The following ADAM12 variants were observed in gnomAD, a reference collection of about 807,000 sequenced individuals.
ADAM12 encodes the protein ADAM metallopeptidase domain 12, also known as disintegrin and metalloproteinase domain-containing protein 12.
A neutral mutation model predicts 106.4 loss-of-function variants in ADAM12; 70 were observed. That is an observed-to-expected ratio of 0.66 (90% CI 0.54 to 0.80). The LOEUF (loss-of-function observed/expected upper bound fraction) is 0.80. Among genes scored for constraint, ADAM12 ranks in the 30% least tolerant of loss-of-function variants. The pLI, the probability that ADAM12 is intolerant of heterozygous loss-of-function variation, is 0.00. For missense variants in ADAM12, 1,010 were observed against 1,171.9 expected (o/e 0.86, Z 2.02); for synonymous variants, 420 against 433.5 (o/e 0.97, Z 0.39).
At chr10:126,055,706 C>T (rs1954614735) in intron 14 of ADAM12, among the ~76,000 whole-genome samples, 1 of 152,200 alleles carries the variant, frequency 6.6e-6, no homozygotes, top group African/African-American at 2.4e-5. Context: ...TCCCTGCCAT[C>T]CTTTCCTCTT....
rs568856967 is a variant in ADAM12, at chr10:126,039,045, C to T, written c.2240+249G>A. Among the ~76,000 whole-genome samples, 5 of 147,572 alleles carry T rather than the reference C, an allele frequency of 3.4e-5. No homozygotes were observed. The South Asian group carries it at 6.5e-4, about 19-fold the overall frequency. On this transcript the variant is annotated intron_variant, in intron 19 of 22. Coordinates refer to ENST00000448723, the MANE Select transcript of ADAM12 (RefSeq NM_001288973.2). ...AGTGATCGCAACTCACTGCAAGCTC[C>T]GCCTCCCGGGTTCACGCCATTCTCA...
intron 11 of ADAM12, chr10:126,090,873 T>C (rs72841004): frequency 6.6e-5 from 10 of 152,368 alleles, no homozygotes; most frequent in Non-Finnish European, 1.5e-4. Context: ...TTTTCTCCTT[T>C]AAGCCATCTA....
chr10:126,175,308 A>G (rs1436342774), intron 3 of ADAM12, among the ~76,000 whole-genome samples: 1 of 152,194 alleles, frequency 6.6e-6, no homozygotes, highest in Non-Finnish European at 1.5e-5. Context: ...CAGGAGTTGC[A>G]ACTCACCTCC....
chr10:126,221,171 G>A (rs113588751), intron 3 of ADAM12, among the ~76,000 whole-genome samples: 1 of 152,124 alleles, frequency 6.6e-6, no homozygotes, highest in Non-Finnish European at 1.5e-5. Flanking sequence ...GTCACTTGAG[G>A]TCAGGAGTTC....
chr10:126,366,909 A>G (rs551012520), intron 1 of ADAM12, among the ~76,000 whole-genome samples: 7 of 152,256 alleles, frequency 4.6e-5, no homozygotes, highest in African/African-American at 1.7e-4. Context: ...AAACCTAAAA[A>G]GAGTTTCAAA....
chr10:126,245,114 C>T (rs980822492), intron 3 of ADAM12, among the ~76,000 whole-genome samples: 2 of 152,230 alleles, frequency 1.3e-5, no homozygotes, highest in African/African-American at 4.8e-5. Flanking sequence ...GGCACCAGGA[C>T]ATCCCCTCGC....
At chr10:126,130,744 G>A (rs973308547) in intron 5 of ADAM12, among the ~76,000 whole-genome samples, 5 of 152,214 alleles carry the variant, frequency 3.3e-5, no homozygotes, top group Admixed American at 1.3e-4. Flanking sequence ...GCTGGCCTGG[G>A]AAGAGGGATG....
chr10:126,248,281 C>T (rs1958668921), intron 3 of ADAM12, among the ~76,000 whole-genome samples: 1 of 152,144 alleles, frequency 6.6e-6, no homozygotes, highest in Non-Finnish European at 1.5e-5. Context: ...CAAATGAACT[C>T]GGAAATGAGC....
intron 4 of ADAM12, among the ~76,000 whole-genome samples, chr10:126,137,605 G>A (rs75827330): frequency 9.3e-4 from 141 of 152,162 alleles, no homozygotes; most frequent in East Asian, 3.3e-3. Flanking sequence ...GGATTTGCCC[G>A]TTCTGTTATT....
At chr10:126,177,696 C>G (rs528098701) in intron 3 of ADAM12, among the ~76,000 whole-genome samples, 2 of 152,138 alleles carry the variant, frequency 1.3e-5, no homozygotes, top group African/African-American at 4.8e-5. Flanking sequence ...GGATACAAAT[C>G]GGCAAATGAA....
intron 3 of ADAM12, among the ~76,000 whole-genome samples, chr10:126,187,633 A>G (rs746626699): frequency 2.6e-5 from 4 of 152,170 alleles, no homozygotes; most frequent in Non-Finnish European, 5.9e-5. Flanking sequence ...AGGCAATCCA[A>G]CCCTAGGCTA....
In ADAM12 at chr10:126,118,216, A is replaced by G. The variant is rs767448407; in HGVS notation, c.425T>C (p.Ile142Thr). 20 of 1,612,154 alleles carry G rather than the reference A, an allele frequency of 1.2e-5. No individual in the cohort carries two copies. The highest frequency in any genetic ancestry group is 5.5e-5 in the South Asian group (5 of 90,942). Residue 142 changes from isoleucine to threonine, a missense_variant, in exon 6 of 23, where the codon ATT becomes ACT. Coordinates refer to ENST00000448723, the MANE Select transcript of ADAM12 (RefSeq NM_001288973.2). ...GACATAGCTTTCATTTTCAAACACA[A>G]TAAGTCCCCTGTTGAAAAAGAAACA... ...LSTCSGLRGLIVFENESYVLE... is the reference protein window; with the variant it reads ...LSTCSGLRGLTVFENESYVLE...
At chr10:126,206,663 A>G (rs1957800236) in intron 3 of ADAM12, among the ~76,000 whole-genome samples, 1 of 152,228 alleles carries the variant, frequency 6.6e-6, no homozygotes, top group South Asian at 2.1e-4. Flanking sequence ...GCTGGCAAGT[A>G]CCAACATTTC....
At chr10:126,227,079 TCAC>T (rs767278368) in intron 3 of ADAM12, among the ~76,000 whole-genome samples, 13 of 152,034 alleles carry the variant, frequency 8.6e-5, no homozygotes, top group Non-Finnish European at 1.5e-4. Context: ...ACTTGCCCTG[TCAC>T]CACCACCATC....
chr10:126,180,127 C>G (rs1957287259), intron 3 of ADAM12, among the ~76,000 whole-genome samples: 1 of 152,130 alleles, frequency 6.6e-6, no homozygotes, highest in Non-Finnish European at 1.5e-5. Context: ...ATGTCCCAGG[C>G]ACTGTATTAA....
intron 2 of ADAM12, among the ~76,000 whole-genome samples, chr10:126,329,628 C>G (rs1854430143): frequency 6.6e-6 from 1 of 152,148 alleles, no homozygotes; most frequent in Non-Finnish European, 1.5e-5. Flanking sequence ...AAGGTAAGCT[C>G]CCTAGATGGA....
chr10:126,042,190 C>A, intron 18 of ADAM12: 1 of 1,613,830 alleles, frequency 6.2e-7, no homozygotes, highest in Non-Finnish European at 8.5e-7. Context: ...GGGCTCCTGG[C>A]CCTGGCCGCG....
intron 11 of ADAM12, among the ~76,000 whole-genome samples, chr10:126,092,316 T>A (rs543181940): frequency 1.1e-4 from 17 of 152,166 alleles, no homozygotes; most frequent in Non-Finnish European, 1.5e-4. Flanking sequence ...CAGTTGCACA[T>A]CAGTCTCCTG....
At chr10:126,027,337 A>G (rs1315175164) in intron 21 of ADAM12, among the ~76,000 whole-genome samples, 1 of 152,216 alleles carries the variant, frequency 6.6e-6, no homozygotes, top group Non-Finnish European at 1.5e-5. Flanking sequence ...ACTATTCCAA[A>G]AAAATTGGAA....
Sources: allele counts gnomAD v4.1 joint callset (sites outside exome capture counted in the v4.1 genomes callset), GRCh38; gene constraint gnomAD v4.1.1; transcripts MANE v1.5; gene names NCBI Gene and HGNC (gene_info 2026-07-23, HGNC 2026-07-21).